ARHGEF10L: variants seen among roughly 807,000 people sequenced by gnomAD.
ARHGEF10L encodes the protein Rho guanine nucleotide exchange factor 10 like.
A neutral mutation model predicts 141.2 loss-of-function variants in ARHGEF10L; 69 were observed. The observed-to-expected ratio is 0.49, with a 90% CI of 0.40 to 0.60. The LOEUF is 0.60. Among genes scored for constraint, ARHGEF10L ranks in the 20% least tolerant of loss-of-function variants. The pLI, the probability that ARHGEF10L is intolerant of heterozygous loss-of-function variation, is 0.00. For synonymous variants in ARHGEF10L, 711 were observed against 718.5 expected (o/e 0.99, Z 0.17); for missense variants, 1,482 against 1,734.3 (o/e 0.85, Z 2.58).
chr1:17,695,245 C>T lies in ARHGEF10L; in HGVS notation c.3272C>T (p.Pro1091Leu). Reference sequence around the variant, plus strand: ...GACCAGGGTGTCATCGTCCTGCTGCCCGTGCCTCGGCTGGAAGGCATCCCC... The same window carrying T: ...GACCAGGGTGTCATCGTCCTGCTGCTCGTGCCTCGGCTGGAAGGCATCCCC... ...GTDQGVIVLLPVPRLEGIPKI... is the reference protein window; with the variant it reads ...GTDQGVIVLLLVPRLEGIPKI... The change falls in exon 28 of 29, where the codon CCC (proline) becomes CTC (leucine). Residue 1091 changes from proline to leucine, a missense_variant. By Grantham distance (98) the Pro-to-Leu change is moderately conservative. Coordinates refer to ENST00000361221, the MANE Select transcript of ARHGEF10L (RefSeq NM_018125.4). 6.2e-7 allele frequency: 1 copy of T among 1,602,500 alleles called. No homozygotes were observed. The highest frequency in any genetic ancestry group is 8.5e-7 in the Non-Finnish European group (1 of 1,174,908).
chr1:17,614,308 C>T (rs982523484), intron 8 of ARHGEF10L, among the ~76,000 whole-genome samples: 6 of 152,188 alleles, frequency 3.9e-5, no homozygotes, highest in Admixed American at 3.9e-4. Context: ...CTCAGGAAGC[C>T]AAGGCTTAGA....
chr1:17,654,635 G>C lies in ARHGEF10L; in HGVS notation c.2395-1G>C, dbSNP rs771649806. On this transcript the variant is annotated splice_acceptor_variant, in intron 22 of 28. Transcript: ENST00000361221. LOFTEE classifies it high-confidence loss of function. This position sits in a 1 kb window ranked among gnomAD's most constrained non-coding sequence, Gnocchi z 4.3. ...CACATGTACCGTCTCTGTCTCTGCA[G>C]CTTGGGGCCCTGGTCCACAGTCCTG... The C allele has an allele frequency of 6.2e-7, 1 of 1,614,146 alleles. No homozygotes were observed. Among genetic ancestry groups the C allele is most frequent in the Non-Finnish European group, 8.5e-7 (1 of 1,179,996 alleles).
At chr1:17,631,597 T>C (rs185382379) in intron 15 of ARHGEF10L, among the ~76,000 whole-genome samples, 2 of 152,324 alleles carry the variant, frequency 1.3e-5, no homozygotes, top group South Asian at 2.1e-4. Context: ...GGAGCACACA[T>C]ACAGGGCCGG....
At chr1:17,616,702 C>G (rs1023587682) in intron 9 of ARHGEF10L, among the ~76,000 whole-genome samples, 3 of 152,226 alleles carry the variant, frequency 2.0e-5, no homozygotes, top group African/African-American at 7.2e-5. Flanking sequence ...TGGGAAATGA[C>G]AGGACAGGTT....
rs963825890 is a variant in ARHGEF10L, at chr1:17,639,286, G to T, written c.2171+597G>T. Among the ~76,000 whole-genome samples the T allele has an allele frequency of 2.0e-5, 3 of 152,216 alleles. No individual in the cohort carries two copies. The highest frequency in any genetic ancestry group is 4.4e-5 in the Non-Finnish European group (3 of 68,046). ...TTCAGGAGAGGCTGAAGGCCACATC[G>T]TGAGAGACAGAGCTGGGTCCTGATG... On this transcript the variant is annotated intron_variant, in intron 20 of 28. Coordinates refer to ENST00000361221, the MANE Select transcript of ARHGEF10L (RefSeq NM_018125.4). The surrounding 1 kb of genome is among the most constrained non-coding windows in gnomAD (Gnocchi z 4.3).
At chr1:17,664,372 T>C (rs2062835738) in intron 25 of ARHGEF10L, 75 bp from the exon 26 acceptor site, 1 of 1,512,926 alleles carries the variant, frequency 6.6e-7, no homozygotes, top group Admixed American at 2.0e-5. Context: ...CTGAGCCCCC[T>C]GCTGCTGGCC....
At chr1:17,525,121 C>T in the ARHGEF10L span, among the ~76,000 whole-genome samples, 2 of 152,208 alleles carry the variant, frequency 1.3e-5, no homozygotes, top group South Asian at 2.1e-4. Flanking sequence ...CTGGTCCTTC[C>T]TGCTGGCCCA....
intron 27 of ARHGEF10L, among the ~76,000 whole-genome samples, chr1:17,690,818 G>A (rs1449027425): frequency 3.3e-5 from 5 of 152,230 alleles, no homozygotes; most frequent in Admixed American, 6.5e-5. Context: ...GGACCAGAGC[G>A]TGGGGGGCAG....
chr1:17,690,095 A>G (rs13376033), intron 27 of ARHGEF10L, among the ~76,000 whole-genome samples: 22,433 of 152,162 alleles, frequency 0.15, 1,770 homozygotes, highest in Non-Finnish European at 0.16. Context: ...GCTGATATGG[A>G]CAGAGCCAGG....
chr1:17,632,800 C>T (rs573151661), intron 16 of ARHGEF10L, among the ~76,000 whole-genome samples: 1 of 152,198 alleles, frequency 6.6e-6, no homozygotes, highest in Non-Finnish European at 1.5e-5. Context: ...TACCCCAGAT[C>T]CCTGCGGCTT....
Position 17,666,680 on chromosome 1 carries a change from A to G in ARHGEF10L, c.3009+2085A>G, listed in dbSNP as rs1349073711. Among the ~76,000 whole-genome samples the G allele has an allele frequency of 2.0e-5, 3 of 149,348 alleles. No homozygotes were observed. The East Asian group carries it at 6.0e-4, about 30-fold the overall frequency. On this transcript the variant is annotated intron_variant, in intron 26 of 28. Coordinates refer to ENST00000361221, the MANE Select transcript of ARHGEF10L (RefSeq NM_018125.4). The stretch of plus-strand genomic sequence containing the variant: ...ACAGCTGGAGCAACTGCAGCTGCAG[A>G]CTCCCTTCCCAGCCCCTGGTTCATG...
intron 18 of ARHGEF10L, among the ~76,000 whole-genome samples, chr1:17,637,382 T>G (rs1004165277): frequency 1.3e-5 from 2 of 152,226 alleles, no homozygotes; most frequent in African/African-American, 4.8e-5. Flanking sequence ...TACAGCCCTT[T>G]GTACAGACTG....
intron 15 of ARHGEF10L, among the ~76,000 whole-genome samples, chr1:17,631,142 T>C (rs1010255945): frequency 3.9e-5 from 6 of 151,940 alleles, no homozygotes. Context: ...TGTCCTTTTA[T>C]GTCCCGGGGA....
intron 16 of ARHGEF10L, among the ~76,000 whole-genome samples, chr1:17,633,469 G>T (rs554625657): frequency 6.6e-6 from 1 of 151,810 alleles, no homozygotes; most frequent in Non-Finnish European, 1.5e-5. Context: ...TCAGCCTCCC[G>T]AGTAGCTGGG....
chr1:17,554,452 G>T (rs1252960953), intron 1 of ARHGEF10L, among the ~76,000 whole-genome samples: 1 of 152,012 alleles, frequency 6.6e-6, no homozygotes, highest in East Asian at 1.9e-4. Flanking sequence ...CCACACATAG[G>T]ACATCTCAGT....
rs1156486825 is a variant in ARHGEF10L, at chr1:17,644,812, A to G, written c.2273-3742A>G. 6.6e-6 allele frequency among the ~76,000 whole-genome samples: 1 copy of G among 152,156 alleles called. No individual in the cohort carries two copies. The highest frequency in any genetic ancestry group is 1.9e-4 in the East Asian group (1 of 5,182). On this transcript the variant is annotated intron_variant, in intron 21 of 28. Transcript: ENST00000361221. This position sits in a 1 kb window ranked among gnomAD's most constrained non-coding sequence, Gnocchi z 4.5. Reference sequence around the variant, plus strand: ...CAGTCAGACCATGAGCAGCGAGGACAGTGACCACCATGGCTGCTATTTCCG... The same window carrying G: ...CAGTCAGACCATGAGCAGCGAGGACGGTGACCACCATGGCTGCTATTTCCG...
chr1:17,663,788 A>G (rs2062793013), intron 25 of ARHGEF10L, among the ~76,000 whole-genome samples: 1 of 152,192 alleles, frequency 6.6e-6, no homozygotes, highest in Non-Finnish European at 1.5e-5. Context: ...GGCCTCGTGA[A>G]GGGTAGAGAT....
chr1:17,616,692 T>TG (rs1303331284), intron 9 of ARHGEF10L, among the ~76,000 whole-genome samples: 1 of 152,068 alleles, frequency 6.6e-6, no homozygotes, highest in Non-Finnish European at 1.5e-5. Context: ...GGCACAGGCA[T>TG]GGGAAATGAC....
At chr1:17,553,845 G>T (rs1478269349) in intron 1 of ARHGEF10L, among the ~76,000 whole-genome samples, 8 of 152,146 alleles carry the variant, frequency 5.3e-5, no homozygotes, top group Admixed American at 2.0e-4. Flanking sequence ...TATCACTTGA[G>T]TACCACTGGG....
Sources: gnomAD v4.1 joint callset for allele counts (sites outside exome capture counted in the v4.1 genomes callset) on GRCh38, gnomAD v4.1.1 for gene constraint, Gnocchi (gnomAD v3.1) non-coding constraint, MANE v1.5 for transcripts, NCBI Gene and HGNC (gene_info 2026-07-23, HGNC 2026-07-21) for gene names.